The following TMEFF2 variants were observed in gnomAD, a reference collection of about 807,000 sequenced individuals.
The protein encoded by TMEFF2 is tomoregulin-2.
A neutral mutation model predicts 53.8 loss-of-function variants in TMEFF2; 28 were observed. The observed-to-expected ratio is 0.52, with a 90% CI of 0.39 to 0.71. The LOEUF (loss-of-function observed/expected upper bound fraction) is 0.71, where lower values mean the gene tolerates loss of function less well. Ranked by LOEUF, TMEFF2 falls within the 30% of genes least tolerant of loss-of-function variation. The pLI is 0.00. For synonymous variants in TMEFF2, 162 were observed against 166.3 expected (o/e 0.97, Z 0.20); for missense variants, 353 against 455.2 (o/e 0.78, Z 2.04).
intron 4 of TMEFF2, among the ~76,000 whole-genome samples, chr2:192,102,028 A>G (rs1365181325): frequency 6.6e-6 from 1 of 152,226 alleles, no homozygotes; most frequent in African/African-American, 2.4e-5. Context: ...TGGCACATAC[A>G]AAAGCTCCAT....
intron 7 of TMEFF2, among the ~76,000 whole-genome samples, chr2:191,993,107 C>T (rs1457505202): frequency 6.6e-6 from 1 of 152,034 alleles, no homozygotes; most frequent in African/African-American, 2.4e-5. Flanking sequence ...GTTGTGAAGA[C>T]TGAAGGAGAC....
At chr2:192,168,221 T>C (rs894932343) in intron 4 of TMEFF2, among the ~76,000 whole-genome samples, 8 of 152,126 alleles carry the variant, frequency 5.3e-5, no homozygotes, top group African/African-American at 1.7e-4. Flanking sequence ...ATATCTAGCA[T>C]TTTATTTTCC....
intron 4 of TMEFF2, chr2:192,178,997 AT>A (rs1691118541): frequency 6.7e-6 from 1 of 150,292 alleles, no homozygotes; most frequent in Admixed American, 6.7e-5. Context: ...TAAAATCTTT[AT>A]TTGGTAGTAA....
chr2:192,062,135 C>CT (rs1235945590), intron 4 of TMEFF2, among the ~76,000 whole-genome samples: 3 of 152,048 alleles, frequency 2.0e-5, no homozygotes, highest in Admixed American at 6.6e-5. Context: ...AGAAAGTTCC[C>CT]TGGTTACCCT....
At chr2:192,049,896 G>C (rs758954829) in intron 5 of TMEFF2, among the ~76,000 whole-genome samples, 2 of 152,162 alleles carry the variant, frequency 1.3e-5, no homozygotes, top group Non-Finnish European at 1.5e-5. Context: ...AGCTACCCGG[G>C]AGGCTGAGGC....
At chr2:192,002,917 A>G (rs760775888) in intron 5 of TMEFF2, among the ~76,000 whole-genome samples, 1 of 152,228 alleles carries the variant, frequency 6.6e-6, no homozygotes, top group African/African-American at 2.4e-5. Context: ...TACCATTTCT[A>G]TGTTTCCAAA....
At chr2:192,165,763 G>C (rs1402597924) in intron 4 of TMEFF2, among the ~76,000 whole-genome samples, 1 of 150,628 alleles carries the variant, frequency 6.6e-6, no homozygotes, top group Non-Finnish European at 1.5e-5. Flanking sequence ...AAAAAAATTA[G>C]AGACTTTGTC....
At chr2:192,084,338 ACTTC>A (rs1313958458) in intron 4 of TMEFF2, among the ~76,000 whole-genome samples, 1 of 152,178 alleles carries the variant, frequency 6.6e-6, no homozygotes, top group Non-Finnish European at 1.5e-5. Context: ...CAAAATTATA[ACTTC>A]CTTGAGAGAG....
Position 191,956,276 on chromosome 2 carries a change from T to C in TMEFF2, c.848A>G (p.Asn283Ser). Residue 283 changes from asparagine (N) to serine (S), a missense_variant, in exon 8 of 10, where the codon AAT becomes AGT. Coordinates refer to ENST00000272771, the MANE Select transcript of TMEFF2 (RefSeq NM_016192.4). Reference sequence around the variant, plus strand: ...TTACCTGCAAGATGGCTCCTGCATATTGATAGAATGCTCACACTTCCCATG... The same window carrying C: ...TTACCTGCAAGATGGCTCCTGCATACTGATAGAATGCTCACACTTCCCATG... Reference protein sequence around the residue: ...CMHGKCEHSINMQEPSCRCDA... With the variant: ...CMHGKCEHSISMQEPSCRCDA... The C allele has an allele frequency of 6.2e-7, 1 of 1,613,446 alleles. No homozygotes were observed.
intron 1 of TMEFF2, 149 bp from the exon 2 acceptor site, chr2:192,192,138 C>T: frequency 3.5e-6 from 2 of 573,846 alleles, no homozygotes; most frequent in East Asian, 2.9e-5. Flanking sequence ...TACTGATAAC[C>T]TCAAAATCTA....
chr2:191,967,621 C>A (rs1692506522), intron 7 of TMEFF2, among the ~76,000 whole-genome samples: 1 of 152,082 alleles, frequency 6.6e-6, no homozygotes, highest in Non-Finnish European at 1.5e-5. Flanking sequence ...GCCTGGTGTT[C>A]CTGACCTCAC....
chr2:191,990,216 T>C (rs1488060789), intron 7 of TMEFF2, among the ~76,000 whole-genome samples: 1 of 152,164 alleles, frequency 6.6e-6, no homozygotes, highest in African/African-American at 2.4e-5. Context: ...ATGAAACAAA[T>C]AGCTGTTTAG....
chr2:192,034,191 A>G (rs1687222578), intron 5 of TMEFF2, among the ~76,000 whole-genome samples: 1 of 151,974 alleles, frequency 6.6e-6, no homozygotes, highest in East Asian at 1.9e-4. Flanking sequence ...AAAAAAAAAA[A>G]AATCCTTTTT....
At chr2:192,073,728 A>G (rs1475381865) in intron 4 of TMEFF2, among the ~76,000 whole-genome samples, 2 of 151,986 alleles carry the variant, frequency 1.3e-5, no homozygotes, top group Non-Finnish European at 1.5e-5. Flanking sequence ...ATGCTAATGA[A>G]AGTTAATTGA....
At chr2:192,148,110 A>C (rs976199190) in intron 4 of TMEFF2, among the ~76,000 whole-genome samples, 2 of 152,050 alleles carry the variant, frequency 1.3e-5, no homozygotes, top group Non-Finnish European at 2.9e-5. Flanking sequence ...TAGGTTGCAC[A>C]GAGTATCAAT....
intron 4 of TMEFF2, among the ~76,000 whole-genome samples, chr2:192,149,727 C>T (rs543662730): frequency 8.6e-5 from 13 of 151,778 alleles, no homozygotes; most frequent in Non-Finnish European, 1.6e-4. Flanking sequence ...CAGTAAATAA[C>T]CTGTGATGAA....
At chr2:192,189,727 G>T (rs1396095006) in intron 2 of TMEFF2, among the ~76,000 whole-genome samples, 2 of 151,918 alleles carry the variant, frequency 1.3e-5, no homozygotes, top group Non-Finnish European at 2.9e-5. Context: ...GGAAAAGATG[G>T]ACTCAAGAGA....
chr2:191,977,199 A>AACTT (rs2105810779), intron 7 of TMEFF2, among the ~76,000 whole-genome samples: 2 of 152,352 alleles, frequency 1.3e-5, no homozygotes, highest in East Asian at 3.9e-4. Context: ...AGACACAAAA[A>AACTT]ACTTAGACGG....
At chr2:192,187,015 T>C (rs139244362) in intron 2 of TMEFF2, among the ~76,000 whole-genome samples, 2 of 152,286 alleles carry the variant, frequency 1.3e-5, no homozygotes, top group Non-Finnish European at 2.9e-5. Flanking sequence ...AAAAGGGAGA[T>C]TTCTACAGAG....
Sources: gnomAD v4.1 joint callset for allele counts (sites outside exome capture counted in the v4.1 genomes callset) on GRCh38, gnomAD v4.1.1 for gene constraint, MANE v1.5 for transcripts, NCBI Gene and HGNC (gene_info 2026-07-23, HGNC 2026-07-21) for gene names.